The following OXR1 variants were observed in gnomAD, a reference collection of about 807,000 sequenced individuals.
OXR1 encodes the protein oxidation resistance protein 1.
A neutral mutation model predicts 104.6 loss-of-function variants in OXR1; 41 were observed. The ratio of observed to expected loss-of-function variants is 0.39; its 90% confidence interval spans 0.31 to 0.51. The LOEUF (loss-of-function observed/expected upper bound fraction) is 0.51, where lower values mean the gene tolerates loss of function less well. OXR1 is among the 20% of genes least tolerant of loss of function. The pLI is 0.77. For synonymous variants in OXR1, 348 were observed against 348.4 expected (o/e 1.00, Z 0.01); for missense variants, 955 against 1,031.9 (o/e 0.93, Z 1.02).
intron 10 of OXR1, among the ~76,000 whole-genome samples, chr8:106,711,408 T>C (rs1831676460): frequency 6.6e-6 from 1 of 152,156 alleles, no homozygotes; most frequent in Non-Finnish European, 1.5e-5. Flanking sequence ...CATTGCATCA[T>C]TACTTTTTCT....
intron 2 of OXR1, among the ~76,000 whole-genome samples, chr8:106,375,872 G>A (rs547446015): frequency 1.6e-4 from 24 of 152,292 alleles, no homozygotes; most frequent in Admixed American, 1.4e-3. Flanking sequence ...AAAGACATGT[G>A]GTGCCTTAGC....
intron 6 of OXR1, among the ~76,000 whole-genome samples, chr8:106,687,344 G>A (rs866121443): frequency 2.0e-4 from 31 of 152,170 alleles, no homozygotes; most frequent in African/African-American, 7.0e-4. Flanking sequence ...AGGGATAGAG[G>A]AGTCTTCTGT....
intron 11 of OXR1, among the ~76,000 whole-genome samples, chr8:106,717,623 T>C (rs1279592793): frequency 6.6e-6 from 1 of 152,212 alleles, no homozygotes; most frequent in African/African-American, 2.4e-5. Flanking sequence ...CCTTTCCCTA[T>C]GTAAGTGTCA....
chr8:106,448,150 T>C, intron 2 of OXR1: 1 of 1,325,654 alleles, frequency 7.5e-7, no homozygotes, highest in Non-Finnish European at 1.0e-6. Context: ...TCTGTGCAAG[T>C]GAGAAATCAA....
chr8:106,737,509 TC>T lies in OXR1; in HGVS notation c.1957-9del. 1 of 967,098 alleles carries T rather than the reference TC, an allele frequency of 1.0e-6. No individual in the cohort carries two copies. Among genetic ancestry groups the T allele is most frequent in the Non-Finnish European group, 1.4e-6 (1 of 721,134 alleles). 59.9% of individuals were successfully genotyped at this position (967,098 alleles called of 1,614,324 possible). A position where few individuals can be genotyped will look rare whatever the true frequency, so the allele number is the denominator to read the frequency against. ...TCAGTGGAATTATTGTCTTCCTGTC[TC>T]CATATTTAGGTAGTGTCAGTGGCTG... On this transcript the variant is annotated splice_polypyrimidine_tract_variant and intron_variant, in intron 11 of 16. Coordinates refer to ENST00000517566, the MANE Select transcript of OXR1 (RefSeq NM_001198533.2).
intron 3 of OXR1, among the ~76,000 whole-genome samples, chr8:106,526,308 A>G (rs1165265621): frequency 6.6e-6 from 1 of 152,168 alleles, no homozygotes; most frequent in Non-Finnish European, 1.5e-5. Context: ...CCTTCCTTGG[A>G]ATCAGATTAG....
At chr8:106,461,240 T>C (rs1820897439) in intron 2 of OXR1, among the ~76,000 whole-genome samples, 1 of 152,068 alleles carries the variant, frequency 6.6e-6, no homozygotes, top group African/African-American at 2.4e-5. Context: ...AGACGGTGAG[T>C]TCTCTTTCCT....
chr8:106,697,390 T>C (rs2131327366), intron 7 of OXR1: 2 of 1,315,878 alleles, frequency 1.5e-6, no homozygotes, highest in South Asian at 1.3e-5. Flanking sequence ...TATTAACCAC[T>C]CGTGGGAGGG....
chr8:106,711,550 G>A (rs1184997494), intron 10 of OXR1, among the ~76,000 whole-genome samples: 2 of 152,066 alleles, frequency 1.3e-5, no homozygotes, highest in Non-Finnish European at 2.9e-5. Context: ...TGTGTATATT[G>A]AAATTGCATT....
intron 3 of OXR1, among the ~76,000 whole-genome samples, chr8:106,542,945 A>G (rs1449522270): frequency 6.6e-6 from 1 of 152,118 alleles, no homozygotes; most frequent in African/African-American, 2.4e-5. Flanking sequence ...AGGGTATGCT[A>G]TATTATTTTT....
intron 3 of OXR1, among the ~76,000 whole-genome samples, chr8:106,678,901 T>A (rs1380527684): frequency 6.6e-6 from 1 of 152,100 alleles, no homozygotes; most frequent in African/African-American, 2.4e-5. Flanking sequence ...GTTGGTATTA[T>A]AATCAGGTTA....
chr8:106,700,889 G>A (rs1372349224), intron 7 of OXR1, among the ~76,000 whole-genome samples: 2 of 151,956 alleles, frequency 1.3e-5, no homozygotes, highest in African/African-American at 2.4e-5. Context: ...TTTATTTCTA[G>A]TTGATTGCTT....
chr8:106,478,062 A>C (rs1008955043), intron 2 of OXR1, among the ~76,000 whole-genome samples: 17 of 151,896 alleles, frequency 1.1e-4, no homozygotes, highest in African/African-American at 4.1e-4. Flanking sequence ...TGATTGATAC[A>C]ATATTTATTC....
intron 3 of OXR1, among the ~76,000 whole-genome samples, chr8:106,523,354 A>G (rs1013941337): frequency 6.6e-6 from 1 of 152,106 alleles, no homozygotes; most frequent in African/African-American, 2.4e-5. Context: ...TTATGCAGGT[A>G]TGTACACCAG....
chr8:106,727,203 T>C (rs1272568669), intron 11 of OXR1, among the ~76,000 whole-genome samples: 1 of 151,776 alleles, frequency 6.6e-6, no homozygotes, highest in Admixed American at 6.6e-5. Context: ...CGTTGTTTTT[T>C]TTTTAAACCA....
intron 2 of OXR1, among the ~76,000 whole-genome samples, chr8:106,382,416 C>T (rs1260456910): frequency 6.6e-6 from 1 of 152,160 alleles, no homozygotes; most frequent in East Asian, 1.9e-4. Flanking sequence ...GACCACAAGT[C>T]TTCAAAAGAG....
At chr8:106,588,793 A>T (rs1818851290) in intron 3 of OXR1, among the ~76,000 whole-genome samples, 1 of 152,132 alleles carries the variant, frequency 6.6e-6, no homozygotes, top group Non-Finnish European at 1.5e-5. Context: ...ATTTAATTTT[A>T]AACCAAGCAA....
chr8:106,320,218 A>G (rs79823074), intron 1 of OXR1, among the ~76,000 whole-genome samples: 9,249 of 152,208 alleles, frequency 0.061, 308 homozygotes, highest in Non-Finnish European at 0.072. Flanking sequence ...TCATCTTCAC[A>G]ATGATCTGTG....
chr8:106,603,437 T>G (rs1586881287), intron 3 of OXR1, among the ~76,000 whole-genome samples: 1 of 152,200 alleles, frequency 6.6e-6, no homozygotes, highest in East Asian at 1.9e-4. Context: ...TCTGTATTTT[T>G]TAAATGGTAT....
Sources: gnomAD v4.1 joint callset for allele counts (sites outside exome capture counted in the v4.1 genomes callset) on GRCh38, gnomAD v4.1.1 for gene constraint, MANE v1.5 for transcripts, NCBI Gene and HGNC (gene_info 2026-07-23, HGNC 2026-07-21) for gene names.